The following MYO3B variants were observed in gnomAD, a reference collection of about 807,000 sequenced individuals.
MYO3B encodes the protein myosin IIIB.
In MYO3B, 156 loss-of-function variants were observed where a neutral mutation model predicts 174.6. The observed-to-expected ratio is 0.89, with a 90% CI of 0.78 to 1.02. The LOEUF (loss-of-function observed/expected upper bound fraction) is 1.02, where lower values mean the gene tolerates loss of function less well. Among genes scored for constraint, MYO3B ranks in the 50% least tolerant of loss-of-function variants. The probability of loss-of-function intolerance (pLI) is 0.00; values close to 1 mark genes in which losing one functional copy is unlikely to be tolerated. For missense variants in MYO3B, 1,632 were observed against 1,639.4 expected (o/e 1.00, Z 0.08); for synonymous variants, 563 against 569.1 (o/e 0.99, Z 0.15).
At chr2:170,564,772 C>T (rs1691958263) in intron 32 of MYO3B, among the ~76,000 whole-genome samples, 1 of 151,942 alleles carries the variant, frequency 6.6e-6, no homozygotes, top group Non-Finnish European at 1.5e-5. Flanking sequence ...TCTACAGCCA[C>T]ACTGTAGAAT....
intron 22 of MYO3B, among the ~76,000 whole-genome samples, chr2:170,422,590 C>G (rs1166314193): frequency 2.0e-5 from 3 of 151,884 alleles, no homozygotes; most frequent in Admixed American, 2.0e-4. Flanking sequence ...TCCCAAGTGG[C>G]CAGGATTACA....
Position 170,649,215 on chromosome 2 carries a change from A to T in MYO3B, c.3734-2413A>T, listed in dbSNP as rs1236952762. Among the ~76,000 whole-genome samples the T allele has an allele frequency of 1.1e-3, 30 of 26,200 alleles. 1 individual carries two copies. Among genetic ancestry groups the T allele is most frequent in the African/African-American group, 5.5e-3 (25 of 4,550 alleles). 17.2% of individuals were successfully genotyped at this position (26,200 alleles called of 152,430 possible). Reference sequence around the variant, plus strand: ...ATATATTATATATAAAATAATATATAATATATTATATATAAAATAATATAT... The same window carrying T: ...ATATATTATATATAAAATAATATATTATATATTATATATAAAATAATATAT... On this transcript the variant is annotated intron_variant, in intron 32 of 34. Transcript: ENST00000408978.
chr2:170,453,813 T>C (rs964309602), intron 23 of MYO3B, among the ~76,000 whole-genome samples: 10 of 152,168 alleles, frequency 6.6e-5, no homozygotes, highest in Non-Finnish European at 1.0e-4. Flanking sequence ...CCACACCCAG[T>C]ATTGACCTAA....
intron 2 of MYO3B, 77 bp from the exon 3 acceptor site, chr2:170,200,073 C>A: frequency 7.1e-7 from 1 of 1,410,746 alleles, no homozygotes; most frequent in South Asian, 1.4e-5. Context: ...TTACTAAGTA[C>A]TTGAGCATGA....
intron 25 of MYO3B, among the ~76,000 whole-genome samples, chr2:170,490,745 T>C (rs530682602): frequency 9.9e-5 from 15 of 152,260 alleles, no homozygotes; most frequent in Middle Eastern, 6.8e-3. Flanking sequence ...GAATTAATTT[T>C]TTAAATTTTT....
At chr2:170,649,352 ATAT>A (rs1698802570) in intron 32 of MYO3B, among the ~76,000 whole-genome samples, 1 of 40,994 alleles carries the variant, frequency 2.4e-5, no homozygotes, top group African/African-American at 1.5e-4. Context: ...ATAAAATAAT[ATAT>A]AATATATTAT....
chr2:170,470,590 A>G (rs1310879613), intron 25 of MYO3B, among the ~76,000 whole-genome samples: 1 of 152,192 alleles, frequency 6.6e-6, no homozygotes, highest in East Asian at 1.9e-4. Flanking sequence ...TAATGTGGAC[A>G]TATGTTTTCA....
chr2:170,496,671 A>T (rs944914427), intron 25 of MYO3B, among the ~76,000 whole-genome samples: 1 of 150,926 alleles, frequency 6.6e-6, no homozygotes, highest in African/African-American at 2.4e-5. Context: ...TTGAGACAAG[A>T]TCTCCTTGTG....
intron 22 of MYO3B, among the ~76,000 whole-genome samples, chr2:170,415,339 A>G (rs998768557): frequency 6.6e-6 from 1 of 152,150 alleles, no homozygotes; most frequent in Non-Finnish European, 1.5e-5. Context: ...TGGCTATCCT[A>G]TCTAAAATTT....
At chr2:170,608,835 G>A (rs917363959) in intron 32 of MYO3B, among the ~76,000 whole-genome samples, 3 of 152,024 alleles carry the variant, frequency 2.0e-5, no homozygotes, top group African/African-American at 4.8e-5. Flanking sequence ...AATTACCTAA[G>A]GAAAACTACA....
intron 23 of MYO3B, among the ~76,000 whole-genome samples, chr2:170,459,911 C>T (rs1245638234): frequency 1.3e-5 from 2 of 152,120 alleles, no homozygotes; most frequent in South Asian, 2.1e-4. Flanking sequence ...ACTGGCCAGC[C>T]GCTTCCAGTG....
chr2:170,405,089 C>G (rs969505201), intron 20 of MYO3B, among the ~76,000 whole-genome samples: 1 of 152,142 alleles, frequency 6.6e-6, no homozygotes, highest in Non-Finnish European at 1.5e-5. Flanking sequence ...TAGCAAAGAT[C>G]GTGTGTTAAA....
Position 170,611,948 on chromosome 2 carries a change from T to C in MYO3B, c.3734-39680T>C, listed in dbSNP as rs144220216. ...TTCCTCCTTGGCCCAAAAATGCTTC[T>C]CAAAAAATAGAAAAATTATGTTGTC... On this transcript the variant is annotated intron_variant, in intron 32 of 34. Transcript: ENST00000408978. Among the ~76,000 whole-genome samples the C allele has an allele frequency of 1.7e-4, 26 of 152,260 alleles. No individual in the cohort carries two copies. In the East Asian group the frequency reaches 4.6e-3, roughly 27 times the overall value.
At chr2:170,366,530 G>T (rs1009599073) in intron 8 of MYO3B, among the ~76,000 whole-genome samples, 2 of 152,114 alleles carry the variant, frequency 1.3e-5, no homozygotes, top group Non-Finnish European at 2.9e-5. Flanking sequence ...CTGGGCTCAA[G>T]AAATCCTCCT....
chr2:170,402,182 G>A (rs1466384646), intron 18 of MYO3B, among the ~76,000 whole-genome samples: 1 of 152,118 alleles, frequency 6.6e-6, no homozygotes, highest in Non-Finnish European at 1.5e-5. Context: ...TCAGACCTTG[G>A]CGATGACCTT....
intron 6 of MYO3B, among the ~76,000 whole-genome samples, chr2:170,219,248 AGTT>A (rs2092864877): frequency 1.3e-5 from 2 of 152,188 alleles, no homozygotes; most frequent in South Asian, 4.1e-4. Flanking sequence ...ACTGCATTGT[AGTT>A]GTTGGCAGGC....
chr2:170,508,952 G>A (rs567070046), intron 28 of MYO3B, among the ~76,000 whole-genome samples: 70 of 152,222 alleles, frequency 4.6e-4, no homozygotes, highest in African/African-American at 1.7e-3. Flanking sequence ...CTCATGGTAC[G>A]TATTCACTAA....
At chr2:170,325,697 C>T (rs1485629972) in intron 7 of MYO3B, among the ~76,000 whole-genome samples, 1 of 152,192 alleles carries the variant, frequency 6.6e-6, no homozygotes, top group East Asian at 1.9e-4. Context: ...AGTTAGCCTG[C>T]CTGCTTGATT....
rs56052422 is a variant in MYO3B at position 170,519,458 on chromosome 2, C to T, written c.3493C>T (p.Arg1165Cys). The T allele has an allele frequency of 8.7e-3, 14,046 of 1,613,486 alleles. 315 individuals are homozygous for T. Among genetic ancestry groups the T allele is most frequent in the South Asian group, 0.062 (5,626 of 91,038 alleles). Reference protein sequence around the residue: ...DHKVLRGSVHRRSHSQAESNN... With the variant: ...DHKVLRGSVHCRSHSQAESNN... ...CTCAGTTCTCAGGGGCTCTGTACAT[C>T]GTAGGAGCCATTCACAAGCAGAATC... The change falls in exon 30 of 35, where the codon CGT becomes TGT. Residue 1165 changes from arginine to cysteine, a missense_variant. Coordinates refer to ENST00000408978, the MANE Select transcript of MYO3B (RefSeq NM_138995.5).
Sources: gnomAD v4.1 joint callset for allele counts (sites outside exome capture counted in the v4.1 genomes callset) on GRCh38, gnomAD v4.1.1 for gene constraint, MANE v1.5 for transcripts, NCBI Gene and HGNC (gene_info 2026-07-23, HGNC 2026-07-21) for gene names.